The following NUP210 variants were observed in gnomAD, a reference collection of about 807,000 sequenced individuals.
NUP210 encodes the protein nucleoporin 210.
In NUP210, 151 loss-of-function variants were observed where a neutral mutation model predicts 196.0. That is an observed-to-expected ratio of 0.77 (90% confidence interval 0.67 to 0.88). The LOEUF (loss-of-function observed/expected upper bound fraction) is 0.88, where lower values mean the gene tolerates loss of function less well. Among genes scored for constraint, NUP210 ranks in the 40% least tolerant of loss-of-function variants. The pLI is 0.00. For missense variants in NUP210, 2,314 were observed against 2,493.7 expected (o/e 0.93, Z 1.53); for synonymous variants, 1,070 against 1,052.7 (o/e 1.02, Z -0.32).
chr3:13,416,405 C>T (rs1291437456), intron 1 of NUP210, among the ~76,000 whole-genome samples: 4 of 152,138 alleles, frequency 2.6e-5, no homozygotes, highest in Admixed American at 6.5e-5. Flanking sequence ...CCCGGGAGGT[C>T]GCACAACATC....
At position 13,377,735 on chromosome 3, in the gene NUP210, G is replaced by A. The variant is rs1212157624; in HGVS notation, c.1046-173C>T. On this transcript the variant is annotated intron_variant, in intron 8 of 39. Transcript: ENST00000254508. ...GCAGGCCCCACACCACTTACCTGGA[G>A]GCCCCACTCCACCCACCTGCAGGCC... is the stretch of plus-strand genomic sequence containing the variant. Among the ~76,000 whole-genome samples, 7 of 145,400 alleles carry A rather than the reference G, an allele frequency of 4.8e-5. No individual in the cohort carries two copies. In the East Asian group the frequency reaches 1.5e-3, roughly 30 times the overall value.
At chr3:13,374,170 A>G (rs1184279354) in intron 11 of NUP210, among the ~76,000 whole-genome samples, 1 of 151,936 alleles carries the variant, frequency 6.6e-6, no homozygotes, top group African/African-American at 2.4e-5. Flanking sequence ...TCACATGCTC[A>G]CCACTCACAC....
intron 16 of NUP210, among the ~76,000 whole-genome samples, chr3:13,355,793 T>C (rs1050624841): frequency 6.6e-6 from 1 of 152,182 alleles, no homozygotes; most frequent in African/African-American, 2.4e-5. Context: ...GGACCTATCC[T>C]AGGTGCTCCA....
At chr3:13,363,804 T>A (rs1434242924) in intron 14 of NUP210, among the ~76,000 whole-genome samples, 3 of 152,188 alleles carry the variant, frequency 2.0e-5, no homozygotes, top group Non-Finnish European at 4.4e-5. Flanking sequence ...GAGGGACATG[T>A]CTACCTTATC....
intron 6 of NUP210, among the ~76,000 whole-genome samples, chr3:13,383,744 G>GTC (rs1000841840): frequency 7.9e-5 from 12 of 151,936 alleles, no homozygotes; most frequent in African/African-American, 2.9e-4. Context: ...AGCCAGGATG[G>GTC]TCTCGATTTC....
In NUP210 at chr3:13,323,509, C is replaced by T; in HGVS notation, c.4645-77G>A. On this transcript the variant is annotated intron_variant, in intron 33 of 39. Transcript: ENST00000254508. The surrounding 1 kb of genome is among the most constrained non-coding windows in gnomAD (Gnocchi z 4.3). ...ATGCTGGGCGTTTCCACAACCTCAC[C>T]CTGCAGTCTGTGACATAGTGTCACC... 1 of 1,536,738 alleles carries T rather than the reference C, an allele frequency of 6.5e-7. No individual in the cohort carries two copies.
At chr3:13,381,417 TTTC>T (rs1182275322) in intron 6 of NUP210, among the ~76,000 whole-genome samples, 14 of 83,116 alleles carry the variant, frequency 1.7e-4, no homozygotes, top group Admixed American at 6.1e-4. Flanking sequence ...TTTCTTTTCT[TTTC>T]TTTTTTTTTT....
Position 13,319,800 on chromosome 3 carries a change from T to G in NUP210, c.5346A>C (p.Thr1782=). The G allele has an allele frequency of 1.2e-6, 2 of 1,614,196 alleles. No individual in the cohort carries two copies. Among genetic ancestry groups the G allele is most frequent in the Non-Finnish European group, 1.7e-6 (2 of 1,180,012 alleles). ...CACGGCGATCCACCACAAAAGCCAC[T>G]GTCACTGGGATGGCAATGGCTTGGT... ...VTNQAIAIPV[T]VAFVVDRRGP... Residue 1782 remains threonine, a synonymous_variant, in exon 37 of 40, where the codon ACA becomes ACC. Coordinates refer to ENST00000254508, the MANE Select transcript of NUP210 (RefSeq NM_024923.4).
At chr3:13,366,797 A>G (rs536556732) in intron 13 of NUP210, among the ~76,000 whole-genome samples, 1 of 150,868 alleles carries the variant, frequency 6.6e-6, no homozygotes, top group African/African-American at 2.4e-5. Context: ...AATTACAGGC[A>G]TGAGCCACCG....
chr3:13,405,882 C>T (rs1208672163), intron 1 of NUP210, among the ~76,000 whole-genome samples: 1 of 152,184 alleles, frequency 6.6e-6, no homozygotes, highest in East Asian at 1.9e-4. Flanking sequence ...CAGGATATGA[C>T]ACACCCACCA....
chr3:13,419,937 G>T, intron 1 of NUP210, 123 bp downstream of exon 1: 1 of 509,932 alleles, frequency 2.0e-6, no homozygotes, highest in Non-Finnish European at 2.6e-6. Flanking sequence ...CTGCAGCCTA[G>T]CGCCCAGCGA....
intron 1 of NUP210, among the ~76,000 whole-genome samples, chr3:13,414,995 TGGGAGGCTGAGGC>T (rs1700298660): frequency 6.6e-6 from 1 of 152,162 alleles, no homozygotes; most frequent in Admixed American, 6.5e-5. Flanking sequence ...CCCAGCACTT[TGGGAGGCTGAGGC>T]GGGTAGATCA....
rs1194622911 is a variant in NUP210, at chr3:13,319,315, G to A, written c.5394C>T (p.Ser1798=). ...DRRGPGPYGA[S]LFQHFLDSYQ... Reference sequence around the variant, plus strand: ...AGGAATCCAGGAAGTGCTGGAAGAGGCTGGCTCCATCTGCCATCAATGGGA... The same window carrying A: ...AGGAATCCAGGAAGTGCTGGAAGAGACTGGCTCCATCTGCCATCAATGGGA... The change falls in exon 38 of 40, where the codon AGC becomes AGT. Residue 1798 remains serine, a synonymous_variant. Transcript: ENST00000254508. 9 of 1,609,800 alleles carry A rather than the reference G, an allele frequency of 5.6e-6. No individual in the cohort carries two copies. Among genetic ancestry groups the A allele is most frequent in the Non-Finnish European group, 7.6e-6 (9 of 1,177,958 alleles).
intron 4 of NUP210, among the ~76,000 whole-genome samples, chr3:13,389,455 G>T (rs4684935): frequency 1.3e-5 from 2 of 152,022 alleles, no homozygotes; most frequent in Non-Finnish European, 2.9e-5. Context: ...CAGGGCAGGA[G>T]GCTGAGGCTC....
chr3:13,347,366 G>C lies in NUP210; in HGVS notation c.2836-4063C>G, dbSNP rs1044355249. Reference sequence around the variant, plus strand: ...GGTCATCTCATGGGTTCCGCCTAGAGGACTTGATTGAAATGTAAAGAATCG... The same window carrying C: ...GGTCATCTCATGGGTTCCGCCTAGACGACTTGATTGAAATGTAAAGAATCG... On this transcript the variant is annotated intron_variant, in intron 20 of 39. Transcript: ENST00000254508. This position sits in a 1 kb window ranked among gnomAD's most constrained non-coding sequence, Gnocchi z 4.7. 6 of 979,922 alleles carry C rather than the reference G, an allele frequency of 6.1e-6. No individual in the cohort carries two copies. The African/African-American group carries it at 1.1e-4, about 17-fold the overall frequency. The allele number at this position is 979,922 out of a possible 1,614,324, so 60.7% of individuals were successfully genotyped here.
At chr3:13,384,777 G>A (rs1271309931) in intron 6 of NUP210, among the ~76,000 whole-genome samples, 6 of 152,148 alleles carry the variant, frequency 3.9e-5, no homozygotes, top group East Asian at 1.9e-4. Flanking sequence ...CTTTCAACAC[G>A]CTTCCCCTTT....
At chr3:13,411,674 T>C (rs533839889) in intron 1 of NUP210, among the ~76,000 whole-genome samples, 1 of 152,218 alleles carries the variant, frequency 6.6e-6, no homozygotes, top group Non-Finnish European at 1.5e-5. Context: ...CTCCCCACCA[T>C]CAGGCTCCTC....
At chr3:13,405,812 C>T (rs772697578) in intron 1 of NUP210, among the ~76,000 whole-genome samples, 7 of 152,172 alleles carry the variant, frequency 4.6e-5, no homozygotes, top group Non-Finnish European at 1.0e-4. Flanking sequence ...GGCCAACTAT[C>T]GCAGCTAGGC....
At position 13,348,402 on chromosome 3, in the gene NUP210, G is replaced by A; in HGVS notation, c.2835+3477C>T. ...TCCACCCTCAGAGCTTGCACAGAAT[G>A]ACAGGTGCAAGGTAAATGTGAATGA... On this transcript the variant is annotated intron_variant, in intron 20 of 39. Transcript: ENST00000254508. This position sits in a 1 kb window ranked among gnomAD's most constrained non-coding sequence, Gnocchi z 4.0. 2.0e-6 allele frequency: 2 copies of A among 985,412 alleles called. No individual in the cohort carries two copies. Among genetic ancestry groups the A allele is most frequent in the Non-Finnish European group, 2.4e-6 (2 of 829,926 alleles). 61.0% of individuals were successfully genotyped at this position (985,412 alleles called of 1,614,324 possible). A position where few individuals can be genotyped will look rare whatever the true frequency, so the allele number is the denominator to read the frequency against.
Sources: allele counts gnomAD v4.1 joint callset (sites outside exome capture counted in the v4.1 genomes callset), GRCh38; gene constraint gnomAD v4.1.1; non-coding constraint Gnocchi (gnomAD v3.1); transcripts MANE v1.5; gene names NCBI Gene and HGNC (gene_info 2026-07-23, HGNC 2026-07-21).